The following IGSF11 variants were observed in gnomAD, a reference collection of about 807,000 sequenced individuals.
IGSF11 encodes the protein immunoglobulin superfamily member 11.
In IGSF11, 22 loss-of-function variants were observed where a neutral mutation model predicts 41.0. That is an observed-to-expected ratio of 0.54 (90% confidence interval 0.38 to 0.77). The LOEUF (loss-of-function observed/expected upper bound fraction) is 0.77, where lower values mean the gene tolerates loss of function less well. Ranked by LOEUF, IGSF11 falls within the 30% of genes least tolerant of loss-of-function variation. The pLI is 0.00. For synonymous variants in IGSF11, 219 were observed against 201.3 expected (o/e 1.09, Z -0.74); for missense variants, 444 against 530.8 (o/e 0.84, Z 1.61).
rs562631803 is a variant in IGSF11, at chr3:119,021,037, T to G, written c.52+13494A>C. ...AAATGAAATAACATATTTTTAAAAG[T>G]TGACGAGACACTCTCCCTAGGGAAA... On this transcript the variant is annotated intron_variant, in intron 1 of 6. Transcript: ENST00000393775. Among the ~76,000 whole-genome samples, 20 of 152,284 alleles carry G rather than the reference T, an allele frequency of 1.3e-4. 1 individual carries two copies. The highest frequency in any genetic ancestry group is 4.3e-4 in the African/African-American group (18 of 41,552).
intron 1 of IGSF11, chr3:119,105,033 TAGG>T (rs906561216): frequency 9.7e-6 from 6 of 618,444 alleles, no homozygotes; most frequent in Non-Finnish European, 1.4e-5. Context: ...TTTTTAGTAG[TAGG>T]AGAATATACA....
intron 1 of IGSF11, among the ~76,000 whole-genome samples, chr3:119,096,647 A>G (rs2076855887): frequency 6.6e-6 from 1 of 152,204 alleles, no homozygotes; most frequent in Non-Finnish European, 1.5e-5. Context: ...GATGCTGTGA[A>G]AGTGCACCTT....
At chr3:119,015,436 C>A (rs949724354) in intron 1 of IGSF11, among the ~76,000 whole-genome samples, 5 of 152,062 alleles carry the variant, frequency 3.3e-5, no homozygotes, top group African/African-American at 9.7e-5. Context: ...CTGGAGGACA[C>A]GAACTAAACT....
chr3:119,026,381 A>G (rs530447525), intron 1 of IGSF11, among the ~76,000 whole-genome samples: 34 of 152,336 alleles, frequency 2.2e-4, no homozygotes, highest in African/African-American at 7.2e-4. Flanking sequence ...AGTACAGTCC[A>G]TGGACTGATG....
chr3:119,115,799 C>A (rs915786012), intron 1 of IGSF11, among the ~76,000 whole-genome samples: 1 of 152,122 alleles, frequency 6.6e-6, no homozygotes, highest in African/African-American at 2.4e-5. Context: ...AATAAATGTA[C>A]AATCTATATA....
intron 1 of IGSF11, among the ~76,000 whole-genome samples, chr3:119,051,076 G>C (rs1162915927): frequency 6.6e-6 from 1 of 151,616 alleles, no homozygotes; most frequent in South Asian, 2.1e-4. Context: ...CAGCACACCA[G>C]CATGGCACCT....
intron 1 of IGSF11, among the ~76,000 whole-genome samples, chr3:119,127,861 T>C (rs531420752): frequency 1.3e-5 from 2 of 152,262 alleles, no homozygotes; most frequent in South Asian, 2.1e-4. Context: ...TGCTAAGGGA[T>C]TTCATTACCA....
chr3:119,118,940 C>A (rs531315306), intron 1 of IGSF11, among the ~76,000 whole-genome samples: 1 of 152,314 alleles, frequency 6.6e-6, no homozygotes, highest in African/African-American at 2.4e-5. Flanking sequence ...CAGTTCCCAA[C>A]AAGTTCCTCA....
intron 1 of IGSF11, among the ~76,000 whole-genome samples, chr3:118,959,962 G>A (rs762113654): frequency 4.7e-4 from 71 of 151,614 alleles, no homozygotes; most frequent in Non-Finnish European, 8.8e-4. Flanking sequence ...GGAGAATGGC[G>A]TGAAGCTGGG....
At chr3:119,028,506 G>T (rs1374992545) in intron 1 of IGSF11, among the ~76,000 whole-genome samples, 1 of 152,114 alleles carries the variant, frequency 6.6e-6, no homozygotes, top group Non-Finnish European at 1.5e-5. Context: ...TACCAGACAT[G>T]AAAATGGTAA....
chr3:119,056,695 T>C (rs1941850189), intron 1 of IGSF11, among the ~76,000 whole-genome samples: 2 of 152,192 alleles, frequency 1.3e-5, no homozygotes, highest in Non-Finnish European at 2.9e-5. Context: ...ACCAATGTCC[T>C]TGATGAACAT....
intron 1 of IGSF11, among the ~76,000 whole-genome samples, chr3:119,126,728 T>A (rs946382923): frequency 6.6e-6 from 1 of 151,882 alleles, no homozygotes; most frequent in Non-Finnish European, 1.5e-5. Context: ...CGGGAGCAAA[T>A]CAGATAAGGC....
intron 1 of IGSF11, among the ~76,000 whole-genome samples, chr3:119,026,401 A>G (rs1383290248): frequency 6.6e-6 from 1 of 152,212 alleles, no homozygotes; most frequent in African/African-American, 2.4e-5. Flanking sequence ...GCAGATTCCC[A>G]AGACCCTTTC....
intron 4 of IGSF11, among the ~76,000 whole-genome samples, chr3:118,915,066 T>G (rs1237529652): frequency 6.4e-5 from 8 of 124,718 alleles, no homozygotes; most frequent in African/African-American, 2.7e-4. Flanking sequence ...GAAGGAAAAC[T>G]AACAAACAGA....
intron 1 of IGSF11, 26 bp downstream of exon 1, chr3:119,034,505 G>A (rs1358257600): frequency 4.5e-6 from 7 of 1,543,696 alleles, no homozygotes; most frequent in South Asian, 2.4e-5. Flanking sequence ...TGGCCCCACC[G>A]GGAAGAAAGG....
At chr3:118,929,227 C>T (rs1212986604) in intron 2 of IGSF11, among the ~76,000 whole-genome samples, 1 of 152,182 alleles carries the variant, frequency 6.6e-6, no homozygotes, top group Non-Finnish European at 1.5e-5. Context: ...TAACAAAAAG[C>T]CCTTTGGGCT....
At chr3:119,138,504 G>GTGAA (rs1358743719) in intron 1 of IGSF11, among the ~76,000 whole-genome samples, 1 of 152,172 alleles carries the variant, frequency 6.6e-6, no homozygotes, top group Non-Finnish European at 1.5e-5. Flanking sequence ...GGCCAACATG[G>GTGAA]TGAAATCCCA....
chr3:119,055,575 T>C (rs983998846), intron 1 of IGSF11, among the ~76,000 whole-genome samples: 71 of 152,156 alleles, frequency 4.7e-4, no homozygotes, highest in African/African-American at 1.7e-3. Flanking sequence ...GACAGAAAGT[T>C]AACAAGGATA....
At chr3:118,996,259 C>T (rs1936261821) in intron 1 of IGSF11, among the ~76,000 whole-genome samples, 1 of 152,236 alleles carries the variant, frequency 6.6e-6, no homozygotes, top group South Asian at 2.1e-4. Context: ...CAGTACATGG[C>T]ACCAGATTAT....
Sources: gnomAD v4.1 joint callset for allele counts (sites outside exome capture counted in the v4.1 genomes callset) on GRCh38, gnomAD v4.1.1 for gene constraint, MANE v1.5 for transcripts, NCBI Gene and HGNC (gene_info 2026-07-23, HGNC 2026-07-21) for gene names.